Variants in CEP41 observed in about 807,000 individuals in gnomAD.
CEP41 encodes the protein centrosomal protein 41, also known as centrosomal protein of 41 kDa.
CEP41 carries 32 observed loss-of-function variants against 44.3 expected under a neutral mutation model. The observed-to-expected ratio is 0.72, with a 90% confidence interval of 0.54 to 0.97. The LOEUF is 0.97. Among genes scored for constraint, CEP41 ranks in the 50% least tolerant of loss-of-function variants. The pLI is 0.00. For missense variants in CEP41, 432 were observed against 455.2 expected (o/e 0.95, Z 0.46); for synonymous variants, 151 against 168.5 (o/e 0.90, Z 0.80).
chr7:130,409,087 C>G (rs1295518546), intron 5 of CEP41, among the ~76,000 whole-genome samples: 1 of 152,058 alleles, frequency 6.6e-6, no homozygotes. Flanking sequence ...TTACGGTTTC[C>G]TAACTTACTA....
chr7:130,400,039 T>A lies in CEP41; in HGVS notation c.973A>T (p.Ser325Cys). The A allele has an allele frequency of 6.3e-7, 1 of 1,587,414 alleles. No homozygotes were observed. Among genetic ancestry groups the A allele is most frequent in the Non-Finnish European group, 8.6e-7 (1 of 1,157,200 alleles). ...EEEQGPADHP[S>C]RLNQANSSGR... is the part of the protein sequence containing the mutation. The stretch of plus-strand genomic sequence containing the variant: ...ATCTTTAAAGGTCAAAAGATCTTAC[T>A]AGGATGATCTGCAGGCCCTTGCTCC... The change falls in exon 10 of 11, where the codon AGC becomes TGC. Residue 325 changes from serine to cysteine, a missense_variant and splice_region_variant. By Grantham distance (112) the Ser-to-Cys change is moderately radical. Transcript: ENST00000223208.
chr7:130,406,654 T>C (rs1373362009), intron 5 of CEP41, among the ~76,000 whole-genome samples: 3 of 152,162 alleles, frequency 2.0e-5, no homozygotes, highest in African/African-American at 7.2e-5. Context: ...TTATTTTGCA[T>C]ATGATATGAT....
chr7:130,404,845 T>C (rs1796962211), intron 5 of CEP41, 137 bp from the exon 6 acceptor site: 1 of 766,508 alleles, frequency 1.3e-6, no homozygotes, highest in Non-Finnish European at 2.2e-6. Flanking sequence ...AACGTACAAG[T>C]TCCCAAAGTG....
chr7:130,411,244 G>T, intron 4 of CEP41, 53 bp from the exon 5 acceptor site: 1 of 1,443,422 alleles, frequency 6.9e-7, no homozygotes, highest in Non-Finnish European at 9.7e-7. Context: ...TTAAACAGAC[G>T]CAATTTTGTC....
chr7:130,430,434 A>G (rs1554424838), intron 1 of CEP41, among the ~76,000 whole-genome samples: 1 of 152,182 alleles, frequency 6.6e-6, no homozygotes, highest in Non-Finnish European at 1.5e-5. Flanking sequence ...CCACTGAGCT[A>G]TTTTATCCTT....
intron 2 of CEP41, among the ~76,000 whole-genome samples, chr7:130,427,206 A>T (rs1387529444): frequency 6.6e-6 from 1 of 152,230 alleles, no homozygotes; most frequent in Admixed American, 6.5e-5. Flanking sequence ...AAAGGCATAC[A>T]GTACCCCAAT....
intron 3 of CEP41, among the ~76,000 whole-genome samples, chr7:130,413,986 A>G (rs2117615558): frequency 6.6e-6 from 1 of 152,358 alleles, no homozygotes; most frequent in African/African-American, 2.4e-5. Context: ...CAAGACTCCT[A>G]GCAACAAAGG....
At chr7:130,418,029 C>T (rs1797384689) in intron 2 of CEP41, among the ~76,000 whole-genome samples, 1 of 152,194 alleles carries the variant, frequency 6.6e-6, no homozygotes, top group Non-Finnish European at 1.5e-5. Flanking sequence ...CAACTTATTT[C>T]ATTGGCTATT....
At chr7:130,428,260 C>T (rs954330476) in intron 1 of CEP41, among the ~76,000 whole-genome samples, 54 of 151,610 alleles carry the variant, frequency 3.6e-4, no homozygotes, top group African/African-American at 1.1e-3. Flanking sequence ...CCCATCTCTA[C>T]TAAAAATACA....
rs141025803 is a variant in CEP41, at chr7:130,404,666, G to C, written c.320C>G (p.Ala107Gly). 674 of 1,612,138 alleles carry C rather than the reference G, an allele frequency of 4.2e-4. 2 individuals carry two copies. Among genetic ancestry groups the C allele is most frequent in the South Asian group, 1.9e-3 (169 of 91,044 alleles). ...TGGATTTCCTTTCCCATTGGTCCTGGCAGTGGTTTCAGCATCAGGGTCTGA... is the reference window on the plus strand; with the variant it reads ...TGGATTTCCTTTCCCATTGGTCCTGCCAGTGGTTTCAGCATCAGGGTCTGA... Reference protein sequence around the residue: ...AASDPDAETTARTNGKGNPGE... With the variant: ...AASDPDAETTGRTNGKGNPGE... The change falls in exon 6 of 11, where the codon GCC (alanine) becomes GGC (glycine). Residue 107 changes from alanine (A) to glycine (G), a missense_variant. Ala to Gly is a moderately conservative substitution (Grantham distance 60). Transcript: ENST00000223208.
At chr7:130,438,286 G>A (rs558757849) in intron 1 of CEP41, among the ~76,000 whole-genome samples, 1 of 152,292 alleles carries the variant, frequency 6.6e-6, no homozygotes, top group African/African-American at 2.4e-5. Context: ...GGCAGGGCGC[G>A]GTGGCTCATG....
chr7:130,419,706 C>T (rs1562989077), intron 2 of CEP41: 1 of 985,226 alleles, frequency 1.0e-6, no homozygotes, highest in Non-Finnish European at 1.2e-6. Flanking sequence ...ACTCCTTGCT[C>T]TAGCACTGGA....
intron 5 of CEP41, 96 bp downstream of exon 5, chr7:130,411,026 C>T: frequency 9.6e-7 from 1 of 1,036,338 alleles, no homozygotes; most frequent in Non-Finnish European, 1.5e-6. Flanking sequence ...ACATCAAAGT[C>T]CCAGTCCCTG....
chr7:130,441,031 A>G, upstream of CEP41: 2 of 1,553,014 alleles, frequency 1.3e-6, no homozygotes, highest in Non-Finnish European at 1.8e-6. Context: ...CTAGCTTCCT[A>G]CCCCCACAAC....
rs141084810 is a variant in CEP41, at chr7:130,403,048, C to T, written c.423-249G>A. 3.3e-5 allele frequency among the ~76,000 whole-genome samples: 5 copies of T among 152,274 alleles called. No homozygotes were observed. The East Asian group carries it at 7.7e-4, about 23-fold the overall frequency. ...ACACTCACCTTCAGACAATGCGTGT[C>T]AGTGCATTACATGGCTGAGGGGGTA... On this transcript the variant is annotated intron_variant, in intron 6 of 10. Transcript: ENST00000223208.
At chr7:130,438,009 G>A (rs190443889) in intron 1 of CEP41, among the ~76,000 whole-genome samples, 2 of 151,894 alleles carry the variant, frequency 1.3e-5, no homozygotes, top group Admixed American at 6.5e-5. Flanking sequence ...TCTTTGTCTC[G>A]GGCACAAACA....
At chr7:130,419,798 T>G in intron 2 of CEP41, 5 of 985,336 alleles carry the variant, frequency 5.1e-6, no homozygotes, top group Non-Finnish European at 6.0e-6. Flanking sequence ...CGTATCACCT[T>G]GCCACATACT....
At chr7:130,422,167 T>G (rs185389214) in intron 2 of CEP41, among the ~76,000 whole-genome samples, 102 of 152,354 alleles carry the variant, frequency 6.7e-4, no homozygotes, top group Non-Finnish European at 9.3e-4. Context: ...AAGAACTCAG[T>G]AGAATGTGAT....
intron 6 of CEP41, 60 bp from the exon 7 acceptor site, chr7:130,402,859 A>C: frequency 6.4e-7 from 1 of 1,556,534 alleles, no homozygotes; most frequent in Non-Finnish European, 8.9e-7. Flanking sequence ...TAAAGGTCGA[A>C]CGTGTCTCTT....
Sources: allele counts gnomAD v4.1 joint callset (sites outside exome capture counted in the v4.1 genomes callset), GRCh38; gene constraint gnomAD v4.1.1; transcripts MANE v1.5; gene names NCBI Gene and HGNC (gene_info 2026-07-23, HGNC 2026-07-21).